ITFG1: variants seen among roughly 807,000 people sequenced by gnomAD.
The protein encoded by ITFG1 is integrin alpha FG-GAP repeat containing 1, also known as T-cell immunomodulatory protein.
In ITFG1, 34 loss-of-function variants were observed where a neutral mutation model predicts 81.8. That is an observed-to-expected ratio of 0.42 (90% CI 0.32 to 0.55). The LOEUF (loss-of-function observed/expected upper bound fraction) is 0.55, where lower values mean the gene tolerates loss of function less well. Among genes scored for constraint, ITFG1 ranks in the 20% least tolerant of loss-of-function variants. The pLI, the probability that ITFG1 is intolerant of heterozygous loss-of-function variation, is 0.17. For missense variants in ITFG1, 672 were observed against 755.4 expected (o/e 0.89, Z 1.29); for synonymous variants, 285 against 270.6 (o/e 1.05, Z -0.52).
chr16:47,459,227 T>A, intron 1 of ITFG1, 52 bp from the exon 2 acceptor site: 1 of 1,183,340 alleles, frequency 8.5e-7, no homozygotes, highest in Non-Finnish European at 1.3e-6. Context: ...ATAAGATATC[T>A]AATCAGTGGT....
At chr16:47,181,098 G>A (rs1440151576) in intron 14 of ITFG1, among the ~76,000 whole-genome samples, 4 of 150,272 alleles carry the variant, frequency 2.7e-5, no homozygotes, top group African/African-American at 4.9e-5. Context: ...AGTGAGGAGC[G>A]TCTCTGCCCG....
At chr16:47,285,544 ATGTGGCAGTGGT>A (rs1966866574) in intron 10 of ITFG1, among the ~76,000 whole-genome samples, 1 of 152,174 alleles carries the variant, frequency 6.6e-6, no homozygotes, top group African/African-American at 2.4e-5. Flanking sequence ...ACTAGTGTGT[ATGTGGCAGTGGT>A]CTTGGGGATT....
At chr16:47,442,598 A>G (rs1401554022) in intron 5 of ITFG1, among the ~76,000 whole-genome samples, 8 of 152,236 alleles carry the variant, frequency 5.3e-5, no homozygotes, top group Admixed American at 4.6e-4. Context: ...ATAATGTCGC[A>G]TATCTACAAC....
chr16:47,180,938 G>A (rs1965102666), intron 14 of ITFG1, among the ~76,000 whole-genome samples: 2 of 151,408 alleles, frequency 1.3e-5, no homozygotes, highest in Admixed American at 6.6e-5. Flanking sequence ...AGGAAGTGAG[G>A]AGCGTCTCTG....
At chr16:47,342,231 A>T (rs945722545) in intron 8 of ITFG1, among the ~76,000 whole-genome samples, 1 of 152,172 alleles carries the variant, frequency 6.6e-6, no homozygotes. Context: ...AAATTGACCA[A>T]TGTAATACAT....
intron 10 of ITFG1, among the ~76,000 whole-genome samples, chr16:47,277,764 C>T (rs981204239): frequency 4.6e-5 from 7 of 152,002 alleles, no homozygotes; most frequent in East Asian, 1.9e-4. Context: ...GTAGTATGTA[C>T]GCACAAAAAA....
At chr16:47,188,248 C>A (rs1406120568) in intron 14 of ITFG1, among the ~76,000 whole-genome samples, 2 of 152,050 alleles carry the variant, frequency 1.3e-5, no homozygotes. Flanking sequence ...TTTGACCCAG[C>A]CGTCCCATTA....
intron 14 of ITFG1, among the ~76,000 whole-genome samples, chr16:47,186,961 C>G (rs538307403): frequency 6.6e-6 from 1 of 152,098 alleles, no homozygotes; most frequent in African/African-American, 2.4e-5. Context: ...TTCTTATACA[C>G]CAGTAACAGA....
intron 14 of ITFG1, among the ~76,000 whole-genome samples, chr16:47,214,958 A>ACG (rs1555504459): frequency 4.2e-5 from 6 of 142,874 alleles, no homozygotes; most frequent in African/African-American, 1.6e-4. Context: ...ACACACACAC[A>ACG]CACGCACGCA....
chr16:47,398,139 G>C (rs1968614935), intron 6 of ITFG1, among the ~76,000 whole-genome samples: 1 of 152,128 alleles, frequency 6.6e-6, no homozygotes, highest in Admixed American at 6.5e-5. Context: ...CAGACTTAAA[G>C]CTGCATGGCT....
chr16:47,413,653 G>A (rs1045193380), intron 6 of ITFG1, among the ~76,000 whole-genome samples: 4 of 152,218 alleles, frequency 2.6e-5, no homozygotes, highest in East Asian at 1.9e-4. Flanking sequence ...CTGAGTTGGC[G>A]CCACTGCACT....
chr16:47,211,309 T>C (rs144640188), intron 14 of ITFG1, among the ~76,000 whole-genome samples: 2 of 152,352 alleles, frequency 1.3e-5, no homozygotes, highest in African/African-American at 2.4e-5. Flanking sequence ...ATTTTTAATT[T>C]TGGTGTCTAT....
At chr16:47,345,522 C>T (rs1967841627) in intron 8 of ITFG1, among the ~76,000 whole-genome samples, 1 of 152,138 alleles carries the variant, frequency 6.6e-6, no homozygotes, top group Non-Finnish European at 1.5e-5. Context: ...TGGTCTTGAA[C>T]TCCTGACCTC....
intron 14 of ITFG1, among the ~76,000 whole-genome samples, chr16:47,188,686 G>A (rs1331172689): frequency 2.0e-5 from 3 of 150,896 alleles, no homozygotes; most frequent in Non-Finnish European, 4.4e-5. Context: ...CGAGTTAGTG[G>A]GTGCAGCGCA....
chr16:47,351,981 G>T (rs1967964862), intron 8 of ITFG1, among the ~76,000 whole-genome samples: 1 of 152,208 alleles, frequency 6.6e-6, no homozygotes, highest in Admixed American at 6.5e-5. Context: ...TTTAACAAAT[G>T]ATGCTGGGAA....
At chr16:47,380,346 G>A (rs1386222849) in intron 6 of ITFG1, among the ~76,000 whole-genome samples, 2 of 152,190 alleles carry the variant, frequency 1.3e-5, no homozygotes, top group Non-Finnish European at 2.9e-5. Context: ...GTTTGATGAT[G>A]ATGACGGAGA....
At chr16:47,360,425 G>A (rs902603744) in intron 8 of ITFG1, among the ~76,000 whole-genome samples, 3 of 151,982 alleles carry the variant, frequency 2.0e-5, no homozygotes, top group Admixed American at 6.6e-5. Flanking sequence ...GCTACTTAAC[G>A]AAACAGCAGC....
intron 12 of ITFG1, among the ~76,000 whole-genome samples, chr16:47,255,985 T>C (rs1472222722): frequency 2.0e-5 from 3 of 152,128 alleles, no homozygotes; most frequent in Admixed American, 2.0e-4. Context: ...TTTTTTATTT[T>C]TTTTTTTGAG....
At chr16:47,293,078 A>G (rs1384868105) in intron 10 of ITFG1, among the ~76,000 whole-genome samples, 1 of 147,724 alleles carries the variant, frequency 6.8e-6, no homozygotes, top group African/African-American at 2.5e-5. Context: ...ATACATATAT[A>G]TGTATGTGTA....
Sources: gnomAD v4.1 joint callset for allele counts (sites outside exome capture counted in the v4.1 genomes callset) on GRCh38, gnomAD v4.1.1 for gene constraint, MANE v1.5 for transcripts, NCBI Gene and HGNC (gene_info 2026-07-23, HGNC 2026-07-21) for gene names.